Variants in DPYSL3 observed in about 807,000 individuals in gnomAD.
DPYSL3 encodes the protein dihydropyrimidinase like 3, also known as dihydropyrimidinase-related protein 3.
In DPYSL3, 16 loss-of-function variants were observed where a neutral mutation model predicts 66.1. The observed-to-expected ratio is 0.24, with a 90% confidence interval of 0.16 to 0.37. DPYSL3 has a LOEUF of 0.37. Ranked by LOEUF, DPYSL3 falls within the 10% of genes least tolerant of loss-of-function variation. DPYSL3 has a pLI of 1.00. For synonymous variants in DPYSL3, 338 were observed against 345.1 expected (o/e 0.98, Z 0.23); for missense variants, 738 against 916.2 (o/e 0.81, Z 2.51).
chr5:147,432,093 TGA>T (rs748926637), intron 1 of DPYSL3, among the ~76,000 whole-genome samples: 1 of 152,192 alleles, frequency 6.6e-6, no homozygotes, highest in Non-Finnish European at 1.5e-5. Context: ...CTGCTACAGA[TGA>T]GAGTCTCAAA....
intron 1 of DPYSL3, among the ~76,000 whole-genome samples, chr5:147,457,025 C>CTCATTCAT (rs35707944): frequency 6.6e-6 from 1 of 151,908 alleles, no homozygotes. Flanking sequence ...CTCACCATCA[C>CTCATTCAT]TCATTCATTC....
chr5:147,449,744 A>C (rs1752691733), intron 1 of DPYSL3, among the ~76,000 whole-genome samples: 1 of 152,196 alleles, frequency 6.6e-6, no homozygotes. Flanking sequence ...CTAATATGAA[A>C]ATACATATAA....
At chr5:147,480,464 CTCTG>C (rs1392647035) in intron 1 of DPYSL3, among the ~76,000 whole-genome samples, 1 of 152,128 alleles carries the variant, frequency 6.6e-6, no homozygotes, top group Non-Finnish European at 1.5e-5. Flanking sequence ...ATCAAATCCC[CTCTG>C]TCTGAAGCAC....
At position 147,412,471 on chromosome 5, in the gene DPYSL3, T is replaced by C. The variant is rs1751873879; in HGVS notation, c.963+137A>G. 7 of 780,784 alleles carry C rather than the reference T, an allele frequency of 9.0e-6. No individual in the cohort carries two copies. The South Asian group carries it at 1.1e-4, about 12-fold the overall frequency. The allele number at this position is 780,784 out of a possible 1,614,324, so 48.4% of individuals were successfully genotyped here. On this transcript the variant is annotated intron_variant, in intron 6 of 13. Coordinates refer to ENST00000343218, the MANE Select transcript of DPYSL3 (RefSeq NM_001197294.2). ...TCTTCCACCTAAATTGTGAGGTACC[T>C]TGGAGCAGGTTCTGTCTTTAGCAAG... is the stretch of plus-strand genomic sequence containing the variant.
intron 5 of DPYSL3, among the ~76,000 whole-genome samples, chr5:147,413,020 T>C (rs994262560): frequency 1.3e-5 from 2 of 152,132 alleles, no homozygotes; most frequent in African/African-American, 4.8e-5. Flanking sequence ...TCAGAATTCT[T>C]CTCAACAAAT....
Position 147,509,556 on chromosome 5 carries a change from G to A in DPYSL3, c.303C>T (p.Ala101=), listed in dbSNP as rs1561809914. Residue 101 remains alanine (A), a synonymous_variant, in exon 1 of 14, where the codon GCC becomes GCT. Transcript: ENST00000343218. This position sits in a 1 kb window ranked among gnomAD's most constrained non-coding sequence, Gnocchi z 5.3. ...GREESREPAP[A]SPAPAGVEIR... is the part of the protein sequence containing the mutation. The stretch of plus-strand genomic sequence containing the variant: ...TCTCTACCCCGGCGGGGGCGGGGGA[G>A]GCGGGCGCGGGCTCCCTGCTCTCTT... 1 of 1,534,976 alleles carries A rather than the reference G, an allele frequency of 6.5e-7. No homozygotes were observed. The highest frequency in any genetic ancestry group is 2.4e-5 in the East Asian group (1 of 40,862).
At chr5:147,405,486 G>A in intron 8 of DPYSL3, 124 bp downstream of exon 8, 2 of 1,335,082 alleles carry the variant, frequency 1.5e-6, no homozygotes, top group East Asian at 2.5e-5. Context: ...GATGTGGAGA[G>A]CGGCTTCCTA....
At chr5:147,414,661 C>T (rs576353091) in intron 4 of DPYSL3, among the ~76,000 whole-genome samples, 8 of 152,292 alleles carry the variant, frequency 5.3e-5, no homozygotes, top group East Asian at 3.9e-4. Flanking sequence ...CGATTTTCTA[C>T]GCCGGTTGAG....
At chr5:147,445,627 T>C (rs1752616628) in intron 1 of DPYSL3, among the ~76,000 whole-genome samples, 1 of 151,952 alleles carries the variant, frequency 6.6e-6, no homozygotes, top group South Asian at 2.1e-4. Context: ...CCTTTGGGGG[T>C]AGATTATTTC....
At chr5:147,491,249 T>G (rs926477518) in intron 1 of DPYSL3, among the ~76,000 whole-genome samples, 1 of 152,116 alleles carries the variant, frequency 6.6e-6, no homozygotes, top group Non-Finnish European at 1.5e-5. Context: ...CAGTCCAGGG[T>G]CACAGGCTCA....
intron 7 of DPYSL3, among the ~76,000 whole-genome samples, chr5:147,407,468 C>T (rs1031716924): frequency 6.6e-6 from 1 of 152,156 alleles, no homozygotes; most frequent in Non-Finnish European, 1.5e-5. Context: ...CTTGCCAGCA[C>T]ATCTCCACAG....
In DPYSL3 at chr5:147,473,926, A is replaced by AAG. The variant is rs34318849; in HGVS notation, c.381+35551_381+35552insCT. Among the ~76,000 whole-genome samples the AAG allele has an allele frequency of 5.0e-3, 767 of 152,278 alleles. 26 individuals are homozygous for AAG. In the East Asian group the frequency reaches 0.1, roughly 20 times the overall value. Reference sequence around the variant, plus strand: ...GGAAAGAAAAGCTGCAAGTATCTTAATACTGTAACTTAAATGCAGTGTTTG... The same window carrying AAG: ...GGAAAGAAAAGCTGCAAGTATCTTAAAGTACTGTAACTTAAATGCAGTGTTTG... On this transcript the variant is annotated intron_variant, in intron 1 of 13. Coordinates refer to ENST00000343218, the MANE Select transcript of DPYSL3 (RefSeq NM_001197294.2).
intron 1 of DPYSL3, among the ~76,000 whole-genome samples, chr5:147,476,929 T>C (rs2126429962): frequency 6.6e-6 from 1 of 152,240 alleles, no homozygotes; most frequent in South Asian, 2.1e-4. Flanking sequence ...AGAATCAGGT[T>C]CATCAGATTC....
At chr5:147,492,618 T>C (rs1195016887) in intron 1 of DPYSL3, among the ~76,000 whole-genome samples, 1 of 152,114 alleles carries the variant, frequency 6.6e-6, no homozygotes, top group Non-Finnish European at 1.5e-5. Flanking sequence ...TTGGATTATT[T>C]GTAAATATAT....
chr5:147,487,194 C>G (rs937075048), intron 1 of DPYSL3, among the ~76,000 whole-genome samples: 1 of 152,174 alleles, frequency 6.6e-6, no homozygotes, highest in African/African-American at 2.4e-5. Context: ...TTCTTTCCCA[C>G]TGTCATTTCC....
At chr5:147,419,036 A>G (rs1227572740) in intron 2 of DPYSL3, among the ~76,000 whole-genome samples, 4 of 152,216 alleles carry the variant, frequency 2.6e-5, no homozygotes, top group African/African-American at 9.6e-5. Flanking sequence ...CTGTTAGAAG[A>G]GACTGAAGAA....
chr5:147,509,915 C>G lies in DPYSL3; in HGVS notation c.-57G>C, dbSNP rs1376472958. On this transcript the variant is annotated 5_prime_UTR_variant, in exon 1 of 14. Transcript: ENST00000343218. The surrounding 1 kb of genome is among the most constrained non-coding windows in gnomAD (Gnocchi z 5.3). ...TCTTCCCCAGAGGCGGAAAGGGCAGCCGCCGGCAGCGTGCGCCGAGCCACA... is the reference window on the plus strand; with the variant it reads ...TCTTCCCCAGAGGCGGAAAGGGCAGGCGCCGGCAGCGTGCGCCGAGCCACA... 26 of 1,453,740 alleles carry G rather than the reference C, an allele frequency of 1.8e-5. No individual in the cohort carries two copies. The highest frequency in any genetic ancestry group is 2.4e-5 in the Non-Finnish European group (26 of 1,106,194). 90.1% of individuals were successfully genotyped at this position (1,453,740 alleles called of 1,614,324 possible).
Position 147,412,679 on chromosome 5 carries a change from T to C in DPYSL3, c.892A>G (p.Ile298Val), listed in dbSNP as rs772784218. 6 of 1,611,270 alleles carry C rather than the reference T, an allele frequency of 3.7e-6. No individual in the cohort carries two copies. In the East Asian group the frequency reaches 1.3e-4, roughly 36 times the overall value. ...CCCAGCTCTCCCAGGCAGGTGAAGA[T>C]CTCATAGAGCTGAAATAGAAATGAG... ...YQVSNTELYE[I>V]FTCLGELGAI... Residue 298 changes from isoleucine to valine, a missense_variant, in exon 6 of 14, where the codon ATC (isoleucine) becomes GTC (valine). Coordinates refer to ENST00000343218, the MANE Select transcript of DPYSL3 (RefSeq NM_001197294.2).
rs1031236169 is a variant in DPYSL3, at chr5:147,424,910, A to G, written c.435T>C (p.Phe145=). Reference sequence around the variant, plus strand: ...CATCTTCCATGTAAATATCAGCATAAAAGGACTGATCATCATTGACGATTC... The same window carrying G: ...CATCTTCCATGTAAATATCAGCATAGAAGGACTGATCATCATTGACGATTC... The part of the protein sequence containing the change: ...GGRIVNDDQS[F]YADIYMEDGL... Residue 145 remains phenylalanine, a synonymous_variant, in exon 2 of 14, where the codon TTT becomes TTC. Transcript: ENST00000343218. The G allele has an allele frequency of 6.2e-7, 1 of 1,613,032 alleles. No individual in the cohort carries two copies. The highest frequency in any genetic ancestry group is 8.5e-7 in the Non-Finnish European group (1 of 1,179,436).
Sources: allele counts gnomAD v4.1 joint callset (sites outside exome capture counted in the v4.1 genomes callset), GRCh38; gene constraint gnomAD v4.1.1; non-coding constraint Gnocchi (gnomAD v3.1); transcripts MANE v1.5; gene names NCBI Gene and HGNC (gene_info 2026-07-23, HGNC 2026-07-21).